Variants in DTX2 observed in about 807,000 individuals in gnomAD.
DTX2 encodes the protein deltex E3 ubiquitin ligase 2.
A neutral mutation model predicts 55.3 loss-of-function variants in DTX2; 29 were observed. The observed-to-expected ratio is 0.52, with a 90% CI of 0.39 to 0.71. The LOEUF is 0.71. Among genes scored for constraint, DTX2 ranks in the 30% least tolerant of loss-of-function variants. The pLI is 0.00. For missense variants in DTX2, 537 were observed against 822.5 expected (o/e 0.65, Z 4.25); for synonymous variants, 276 against 340.4 (o/e 0.81, Z 2.08).
chr7:76,472,983 T>C (rs1808122337), intron 2 of DTX2, among the ~76,000 whole-genome samples: 1 of 152,112 alleles, frequency 6.6e-6, no homozygotes, highest in Non-Finnish European at 1.5e-5. Context: ...TATTACCAAA[T>C]TGTTTTCTTT....
At chr7:76,499,695 G>A (rs1435039506) in intron 6 of DTX2, 1 of 161,392 alleles carries the variant, frequency 6.2e-6, no homozygotes, top group Non-Finnish European at 1.4e-5. Context: ...CCCGGGCCGC[G>A]CCGATCCTCA....
chr7:76,469,654 A>G (rs1028549260), intron 2 of DTX2, among the ~76,000 whole-genome samples: 2 of 149,086 alleles, frequency 1.3e-5, no homozygotes, highest in Admixed American at 1.3e-4. Flanking sequence ...CGGCCTCCCA[A>G]AGTGCTGGGA....
At chr7:76,474,918 C>G (rs397839838) in intron 2 of DTX2, 8 of 152,032 alleles carry the variant, frequency 5.3e-5, no homozygotes, top group Admixed American at 3.3e-4. Flanking sequence ...ATCCTCTGGA[C>G]AGAGATTTGT....
intron 2 of DTX2, among the ~76,000 whole-genome samples, chr7:76,465,137 T>A (rs1434867901): frequency 1.4e-5 from 2 of 147,306 alleles, no homozygotes; most frequent in Non-Finnish European, 2.9e-5. Context: ...GCTGGGCACA[T>A]CCAGGCATCG....
At chr7:76,468,619 G>A (rs1299270158) in intron 2 of DTX2, among the ~76,000 whole-genome samples, 1 of 52,382 alleles carries the variant, frequency 1.9e-5, no homozygotes, top group Non-Finnish European at 3.4e-5. Context: ...CACCATGCCT[G>A]GCTAATTTTT....
chr7:76,464,698 C>T (rs1799200), intron 2 of DTX2, among the ~76,000 whole-genome samples: 68,451 of 143,618 alleles, frequency 0.48, 13,995 homozygotes, highest in South Asian at 0.58. Flanking sequence ...TGCCTGGCCT[C>T]GTGAGGGACA....
rs748985178 is a variant in DTX2 at position 76,482,666 on chromosome 7, G to A, written c.427G>A (p.Val143Met). 8.7e-6 allele frequency: 14 copies of A among 1,613,706 alleles called. No individual in the cohort carries two copies. The highest frequency in any genetic ancestry group is 1.0e-5 in the Non-Finnish European group (12 of 1,179,802). ...EQQVARGNQL[V>M]DLAPLGYNYT... ...GCAGGTGGCCAGGGGCAACCAGCTC[G>A]TGGACTTGGCCCCCCTGGGGTACAA... is the stretch of plus-strand genomic sequence containing the variant. Residue 143 changes from valine to methionine, a missense_variant, in exon 4 of 11, where the codon GTG (valine) becomes ATG (methionine). Val to Met is a conservative substitution (Grantham distance 21). Coordinates refer to ENST00000430490, the MANE Select transcript of DTX2 (RefSeq NM_001102594.3).
intron 2 of DTX2, among the ~76,000 whole-genome samples, chr7:76,475,150 CA>C (rs556684382): frequency 3.7e-4 from 54 of 145,062 alleles, no homozygotes; most frequent in South Asian, 1.1e-3. Context: ...CTACTAAATA[CA>C]AAAAAAAAAA....
Position 76,483,006 on chromosome 7 carries a change from G to A in DTX2, c.767G>A (p.Arg256Gln), listed in dbSNP as rs749268963. The change falls in exon 4 of 11, where the codon CGG becomes CAG. Residue 256 changes from arginine (R) to glutamine (Q), a missense_variant. By Grantham distance (43) the Arg-to-Gln change is conservative. This residue lies in a region of DTX2 where 301 missense variants were observed against 396.6 expected (regional missense o/e 0.76). Coordinates refer to ENST00000430490, the MANE Select transcript of DTX2 (RefSeq NM_001102594.3). The stretch of plus-strand genomic sequence containing the variant: ...AACAAACCCTCACTCTCCGGGGCCC[G>A]GTCTGCGCCCAGGCTGAACACCACC... ...PYNKPSLSGA[R>Q]SAPRLNTTNA... 6 of 1,613,336 alleles carry A rather than the reference G, an allele frequency of 3.7e-6. No homozygotes were observed. The highest frequency in any genetic ancestry group is 1.3e-5 in the African/African-American group (1 of 74,902).
intron 2 of DTX2, among the ~76,000 whole-genome samples, chr7:76,466,001 AGAATCT>A (rs1807146447): frequency 8.2e-6 from 1 of 121,828 alleles, no homozygotes; most frequent in Non-Finnish European, 1.7e-5. Flanking sequence ...CGGAGGACTG[AGAATCT>A]GAGGTTTTTC....
chr7:76,483,299 C>T (rs930963862), intron 4 of DTX2, 152 bp downstream of exon 4: 25 of 1,125,718 alleles, frequency 2.2e-5, no homozygotes, highest in Non-Finnish European at 2.7e-5. Context: ...TGCCGAGGTG[C>T]CGTGGCCATC....
intron 2 of DTX2, among the ~76,000 whole-genome samples, chr7:76,468,448 A>ATTT (rs1202957368): frequency 6.2e-4 from 23 of 36,994 alleles, no homozygotes; most frequent in Non-Finnish European, 8.9e-4. Context: ...GCCCACTGCC[A>ATTT]TTTTTTTTTT....
Position 76,502,357 on chromosome 7 carries a change from C to T in DTX2, c.1290C>T (p.Asp430=), listed in dbSNP as rs1418105077. Residue 430 remains aspartate (D), a synonymous_variant, in exon 8 of 11, where the codon GAC becomes GAT. Transcript: ENST00000430490. The part of the protein sequence containing the change: ...STASGYSDVT[D]SKAIGSLAVG... ...CGTCTGGATACAGCGATGTGACTGA[C>T]AGCAAGGCAATCGGGTCCCTAGCTG... is the stretch of plus-strand genomic sequence containing the variant. 3 of 1,612,034 alleles carry T rather than the reference C, an allele frequency of 1.9e-6. No homozygotes were observed. Among genetic ancestry groups the T allele is most frequent in the Admixed American group, 1.7e-5 (1 of 59,914 alleles).
chr7:76,489,828 A>G (rs1359912191), intron 4 of DTX2, among the ~76,000 whole-genome samples: 7 of 135,618 alleles, frequency 5.2e-5, no homozygotes, highest in African/African-American at 1.6e-4. Context: ...GTCTCAAAAA[A>G]TCCAAAGACC....
chr7:76,501,670 GTCC>G (rs760252180), intron 7 of DTX2, among the ~76,000 whole-genome samples: 147 of 151,908 alleles, frequency 9.7e-4, no homozygotes, highest in Admixed American at 2.4e-3. Flanking sequence ...CGTTCAGAAC[GTCC>G]TCCTCCCTCT....
At chr7:76,495,893 G>T (rs1184056917) in intron 5 of DTX2, among the ~76,000 whole-genome samples, 4 of 126,028 alleles carry the variant, frequency 3.2e-5, no homozygotes, top group African/African-American at 1.3e-4. Flanking sequence ...CCTGGCCTTT[G>T]GTCCTCCCAG....
At chr7:76,480,946 A>G (rs1191216074) in intron 3 of DTX2, among the ~76,000 whole-genome samples, 169 bp downstream of exon 3, 1 of 152,194 alleles carries the variant, frequency 6.6e-6, no homozygotes, top group African/African-American at 2.4e-5. Context: ...ACATAGGTTG[A>G]GTGCAGCTCA....
rs1389643379 is a variant in DTX2 at position 76,483,087 on chromosome 7, G to C, written c.848G>C (p.Ser283Thr). 4.3e-6 allele frequency: 7 copies of C among 1,613,132 alleles called. No individual in the cohort carries two copies. The African/African-American group carries it at 5.3e-5, about 12-fold the overall frequency. ...GGGAGCCAGCCCCTCTACCGCTCCA[G>C]CCTCTCCCACCTGGGACCGCAGCAC... is the stretch of plus-strand genomic sequence containing the variant. Reference protein sequence around the residue: ...SLGSQPLYRSSLSHLGPQHLP... With the variant: ...SLGSQPLYRSTLSHLGPQHLP... The change falls in exon 4 of 11, where the codon AGC becomes ACC. Residue 283 changes from serine (S) to threonine (T), a missense_variant. Ser to Thr is a moderately conservative substitution (Grantham distance 58, BLOSUM62 1). Around this residue, in one of 7 missense-constraint regions of DTX2, gnomAD observed 301 missense variants for 396.6 expected, o/e 0.76. Transcript: ENST00000430490.
chr7:76,500,419 CT>C, intron 6 of DTX2, 21 bp from the exon 7 acceptor site: 1 of 691,760 alleles, frequency 1.4e-6, no homozygotes, highest in Non-Finnish European at 2.3e-6. Flanking sequence ...CAGGACGCTG[CT>C]TATGTACTTC....
Sources: gnomAD v4.1 joint callset for allele counts (sites outside exome capture counted in the v4.1 genomes callset) on GRCh38, gnomAD v4.1.1 for gene constraint, gnomAD v4.1.1 regional missense constraint, MANE v1.5 for transcripts, NCBI Gene and HGNC (gene_info 2026-07-23, HGNC 2026-07-21) for gene names.